The following RGS12 variants were observed in gnomAD, a reference collection of about 807,000 sequenced individuals.
RGS12 encodes regulator of G protein signaling 12.
Under a neutral mutation model 120.1 loss-of-function variants are expected in RGS12, and 66 were observed. That is an observed-to-expected ratio of 0.55 (90% CI 0.45 to 0.67). The LOEUF (loss-of-function observed/expected upper bound fraction) is 0.67, where lower values mean the gene tolerates loss of function less well. Ranked by LOEUF, RGS12 falls within the 30% of genes least tolerant of loss-of-function variation. The probability of loss-of-function intolerance (pLI) is 0.00; values close to 1 mark genes in which losing one functional copy is unlikely to be tolerated. For missense variants in RGS12, 1,859 were observed against 1,957.7 expected, an observed-to-expected ratio of 0.95 and a Z score of 0.95; for synonymous variants, 827 against 804.7, an observed-to-expected ratio of 1.03 and a Z score of -0.47.
intron 11 of RGS12, 44 bp from the exon 12 acceptor site, chr4:3,422,861 C>A: frequency 6.4e-7 from 1 of 1,556,682 alleles, no homozygotes; most frequent in Non-Finnish European, 8.9e-7. Context: ...GTTTGGGGGG[C>A]TGCCTGCTGT....
chr4:3,415,757 G>A (rs3213506), intron 6 of RGS12, among the ~76,000 whole-genome samples: 40,293 of 152,228 alleles, frequency 0.26, 5,617 homozygotes, highest in East Asian at 0.47. Context: ...GCATCGCCCG[G>A]GTCTTTGGGA....
At chr4:3,427,062 C>G (rs1723731806) in intron 14 of RGS12, among the ~76,000 whole-genome samples, 1 of 152,200 alleles carries the variant, frequency 6.6e-6, no homozygotes, top group African/African-American at 2.4e-5. Flanking sequence ...TCCTGGAGCT[C>G]CAACTCTTGC....
At chr4:3,435,536 CT>C (rs1724723059) in intron 17 of RGS12, among the ~76,000 whole-genome samples, 1 of 150,560 alleles carries the variant, frequency 6.6e-6, no homozygotes, top group African/African-American at 2.4e-5. Flanking sequence ...CCAGAGCCCC[CT>C]CTCCCTAGAG....
At chr4:3,321,649 A>G (rs943508045) in intron 2 of RGS12, among the ~76,000 whole-genome samples, 4 of 152,104 alleles carry the variant, frequency 2.6e-5, no homozygotes, top group Admixed American at 2.0e-4. Context: ...GCTTGCCTGC[A>G]CCCCAGGGCA....
rs774383070 is a variant in RGS12 at position 3,374,145 on chromosome 4, G to A, written c.1999-12271G>A. On this transcript the variant is annotated intron_variant, in intron 3 of 17. Transcript: ENST00000336727. This position sits in a 1 kb window ranked among gnomAD's most constrained non-coding sequence, Gnocchi z 6.3. Reference sequence around the variant, plus strand: ...GCAGGCATCCCTGTCTCCGTTGGGCGGATGTGGAGGCTGGTTGAGGTTCCT... The same window carrying A: ...GCAGGCATCCCTGTCTCCGTTGGGCAGATGTGGAGGCTGGTTGAGGTTCCT... 1.8e-4 allele frequency among the ~76,000 whole-genome samples: 27 copies of A among 152,364 alleles called. No individual in the cohort carries two copies. The highest frequency in any genetic ancestry group is 3.4e-4 in the Non-Finnish European group (23 of 68,040).
At chr4:3,345,592 G>A (rs1713714251) in intron 3 of RGS12, among the ~76,000 whole-genome samples, 1 of 152,230 alleles carries the variant, frequency 6.6e-6, no homozygotes, top group Non-Finnish European at 1.5e-5. Context: ...CCAGGGAGGT[G>A]TGGAGGGAGT....
At chr4:3,406,019 A>T (rs1721083470) in intron 4 of RGS12, among the ~76,000 whole-genome samples, 1 of 152,136 alleles carries the variant, frequency 6.6e-6, no homozygotes, top group Non-Finnish European at 1.5e-5. Context: ...CGGCTCCCCC[A>T]TAAGCACATT....
At chr4:3,427,476 C>T (rs1415703858) in intron 14 of RGS12, among the ~76,000 whole-genome samples, 1 of 152,238 alleles carries the variant, frequency 6.6e-6, no homozygotes, top group Non-Finnish European at 1.5e-5. Flanking sequence ...TGGCTCATGC[C>T]TGTAATCCCA....
intron 17 of RGS12, among the ~76,000 whole-genome samples, chr4:3,436,601 C>T (rs1212806538): frequency 6.6e-6 from 1 of 152,192 alleles, no homozygotes; most frequent in Non-Finnish European, 1.5e-5. Context: ...AGTGCAGCCC[C>T]TGCTCCCGCT....
the RGS12 span, among the ~76,000 whole-genome samples, chr4:3,286,467 T>C: frequency 6.6e-6 from 1 of 152,230 alleles, no homozygotes; most frequent in Non-Finnish European, 1.5e-5. Context: ...CAGTCTCAAT[T>C]CAGAGTCAGT....
chr4:3,417,183 G>A, intron 8 of RGS12, 91 bp downstream of exon 8: 1 of 1,408,244 alleles, frequency 7.1e-7, no homozygotes, highest in Non-Finnish European at 9.4e-7. Flanking sequence ...GGCCCTGTCG[G>A]CGTCTTCACC....
chr4:3,423,047 G>T, intron 12 of RGS12, 69 bp downstream of exon 12: 2 of 1,322,164 alleles, frequency 1.5e-6, no homozygotes, highest in Non-Finnish European at 2.2e-6. Context: ...CCACCTGCTG[G>T]TCTCTGCGCT....
the RGS12 span, among the ~76,000 whole-genome samples, chr4:3,286,265 C>T: frequency 2.0e-5 from 3 of 152,196 alleles, no homozygotes; most frequent in Non-Finnish European, 4.4e-5. Flanking sequence ...CCCCAGGCCG[C>T]GTGTGGTTTC....
At chr4:3,431,682 G>A (rs982625903) in intron 17 of RGS12, 3 of 985,628 alleles carry the variant, frequency 3.0e-6, no homozygotes, top group Admixed American at 6.1e-5. Flanking sequence ...TGTTTCCAGG[G>A]GTCCGAGGGC....
intron 4 of RGS12, among the ~76,000 whole-genome samples, chr4:3,392,949 C>G (rs986700277): frequency 1.3e-5 from 2 of 152,214 alleles, no homozygotes; most frequent in African/African-American, 4.8e-5. Context: ...GATGGTGCCA[C>G]TGCACTCCAG....
chr4:3,307,051 C>T (rs945505505), intron 1 of RGS12, among the ~76,000 whole-genome samples: 2 of 152,190 alleles, frequency 1.3e-5, no homozygotes, highest in African/African-American at 2.4e-5. Flanking sequence ...TGAGTTGGTG[C>T]TGACCAAGTT....
intron 4 of RGS12, among the ~76,000 whole-genome samples, chr4:3,407,889 G>A (rs1245787801): frequency 6.6e-6 from 1 of 152,190 alleles, no homozygotes; most frequent in African/African-American, 2.4e-5. Flanking sequence ...TATACATGGC[G>A]GCTTTTCCAA....
intron 7 of RGS12, among the ~76,000 whole-genome samples, chr4:3,416,504 C>T (rs745501484): frequency 3.9e-5 from 6 of 152,182 alleles, no homozygotes; most frequent in Admixed American, 1.3e-4. Context: ...CTATTCGAGA[C>T]GTGCCTGTGC....
chr4:3,432,780 G>A (rs780950781), intron 17 of RGS12, among the ~76,000 whole-genome samples: 7 of 152,262 alleles, frequency 4.6e-5, no homozygotes, highest in Non-Finnish European at 1.0e-4. Flanking sequence ...GGGCAGGTGG[G>A]TACCCTGGAT....
Sources: allele counts gnomAD v4.1 joint callset (sites outside exome capture counted in the v4.1 genomes callset), GRCh38; gene constraint gnomAD v4.1.1; non-coding constraint Gnocchi (gnomAD v3.1); transcripts MANE v1.5; gene names NCBI Gene and HGNC (gene_info 2026-07-23, HGNC 2026-07-21).